B3GAT2: variants seen among roughly 807,000 people sequenced by gnomAD.
B3GAT2 encodes the protein galactosylgalactosylxylosylprotein 3-beta-glucuronosyltransferase 2.
Under a neutral mutation model 27.8 loss-of-function variants are expected in B3GAT2, and 26 were observed. The observed-to-expected ratio is 0.93, with a 90% confidence interval of 0.68 to 1.30. The LOEUF (loss-of-function observed/expected upper bound fraction) is 1.30. Among genes scored for constraint, B3GAT2 ranks in the 50% most tolerant of loss-of-function variants. The pLI, the probability that B3GAT2 is intolerant of heterozygous loss-of-function variation, is 0.00. For missense variants in B3GAT2, 458 were observed against 459.0 expected, an observed-to-expected ratio of 1.00 and a Z score of 0.02; for synonymous variants, 218 against 195.1, an observed-to-expected ratio of 1.12 and a Z score of -0.98.
At position 70,873,825 on chromosome 6, in the gene B3GAT2, A is replaced by G. The variant is rs576361986; in HGVS notation, c.737-11847T>C. On this transcript the variant is annotated intron_variant, in intron 2 of 3. Coordinates refer to ENST00000230053, the MANE Select transcript of B3GAT2 (RefSeq NM_080742.3). ...TCTTCTGCCTGCTGAAACTGCTTTG[A>G]GCCCCTCTATTGAATTTTTTGTTTT... is the stretch of plus-strand genomic sequence containing the variant. 2.0e-5 allele frequency among the ~76,000 whole-genome samples: 3 copies of G among 152,112 alleles called. No homozygotes were observed. In the East Asian group the frequency reaches 5.8e-4, roughly 29 times the overall value.
intron 2 of B3GAT2, among the ~76,000 whole-genome samples, chr6:70,890,677 G>A (rs765219212): frequency 4.6e-5 from 7 of 152,210 alleles, no homozygotes; most frequent in African/African-American, 1.7e-4. Flanking sequence ...TCTCCAGCGC[G>A]TGGGGGGCAT....
At chr6:70,894,417 T>TA (rs1336524609) in intron 1 of B3GAT2, 145 bp from the exon 2 acceptor site, 1 of 885,992 alleles carries the variant, frequency 1.1e-6, no homozygotes, top group African/African-American at 1.7e-5. Context: ...CTTCTGCTGC[T>TA]AGAGTATGGC....
In B3GAT2 at chr6:70,864,061, C is replaced by CTT. The variant is rs35544177; in HGVS notation, c.737-2085_737-2084dup. On this transcript the variant is annotated intron_variant, in intron 2 of 3. Transcript: ENST00000230053. ...CACATGCTTATAAATAAGCTTTATC[C>CTT]TTTTTTTTTTTTTTTTTTTTTTAAA... Among the ~76,000 whole-genome samples the CTT allele has an allele frequency of 3.0e-3, 394 of 129,758 alleles. 3 individuals are homozygous for CTT. The highest frequency in any genetic ancestry group is 5.2e-3 in the Non-Finnish European group (320 of 61,952). 85.1% of individuals were successfully genotyped at this position (129,758 alleles called of 152,430 possible).
intron 1 of B3GAT2, among the ~76,000 whole-genome samples, chr6:70,947,659 G>T (rs1200012701): frequency 6.6e-6 from 1 of 151,036 alleles, no homozygotes; most frequent in Non-Finnish European, 1.5e-5. Flanking sequence ...GGTACAAGGA[G>T]GAACTGGTAC....
Position 70,956,491 on chromosome 6 carries a change from G to A in B3GAT2, c.-62C>T, listed in dbSNP as rs1358996059. ...GGGGCGAGCCGAGGGACCCCAGTGC[G>A]CAGCTTGGACAGCGGCGGCGCCAGC... On this transcript the variant is annotated 5_prime_UTR_variant, in exon 1 of 4. Transcript: ENST00000230053. 43 of 1,546,678 alleles carry A rather than the reference G, an allele frequency of 2.8e-5. No individual in the cohort carries two copies. The highest frequency in any genetic ancestry group is 3.7e-5 in the Non-Finnish European group (42 of 1,145,662).
At position 70,860,440 on chromosome 6, in the gene B3GAT2, T is replaced by TTTGTTCATATTAAGAATGATC; in HGVS notation, c.*1202_*1222dup. Reference sequence around the variant, plus strand: ...TGCATATTTTTTTTCTTTTTACCCATTTGTTCATATTAAGAATGATCTGAT... The same window carrying TTTGTTCATATTAAGAATGATC: ...TGCATATTTTTTTTCTTTTTACCCATTTGTTCATATTAAGAATGATCTTGTTCATATTAAGAATGATCTGAT... On this transcript the variant is annotated 3_prime_UTR_variant, in exon 4 of 4. Coordinates refer to ENST00000230053, the MANE Select transcript of B3GAT2 (RefSeq NM_080742.3). The TTTGTTCATATTAAGAATGATC allele has an allele frequency of 1.5e-6, 2 of 1,319,110 alleles. No homozygotes were observed. Among genetic ancestry groups the TTTGTTCATATTAAGAATGATC allele is most frequent in the Non-Finnish European group, 2.1e-6 (2 of 971,854 alleles). 81.7% of individuals were successfully genotyped at this position (1,319,110 alleles called of 1,614,324 possible). A position where few individuals can be genotyped will look rare whatever the true frequency, so the allele number is the denominator to read the frequency against.
chr6:70,925,812 G>A (rs1035884253), intron 1 of B3GAT2, among the ~76,000 whole-genome samples: 2 of 152,230 alleles, frequency 1.3e-5, no homozygotes, highest in African/African-American at 2.4e-5. Context: ...TCCCAGCACA[G>A]AGTCTGAGAT....
chr6:70,874,204 G>C (rs1224537476), intron 2 of B3GAT2, among the ~76,000 whole-genome samples: 1 of 152,178 alleles, frequency 6.6e-6, no homozygotes, highest in Non-Finnish European at 1.5e-5. Context: ...TCTAAGGTTA[G>C]TTGTTCTTTT....
chr6:70,947,993 T>C (rs13190911), intron 1 of B3GAT2, among the ~76,000 whole-genome samples: 14 of 152,068 alleles, frequency 9.2e-5, no homozygotes, highest in South Asian at 6.2e-4. Context: ...ATGATTATCT[T>C]AATAGATGCA....
At chr6:70,898,751 G>A (rs1316037765) in intron 1 of B3GAT2, among the ~76,000 whole-genome samples, 1 of 152,120 alleles carries the variant, frequency 6.6e-6, no homozygotes, top group East Asian at 1.9e-4. Context: ...CACACAGCAG[G>A]TATTAAACAA....
At chr6:70,931,571 C>T (rs1019207563) in intron 1 of B3GAT2, among the ~76,000 whole-genome samples, 2 of 152,144 alleles carry the variant, frequency 1.3e-5, no homozygotes, top group African/African-American at 4.8e-5. Flanking sequence ...GTGACTTCCA[C>T]TGAGATCATT....
Position 70,861,868 on chromosome 6 carries a change from C to CTGT in B3GAT2, c.844_846dup (p.Thr282dup), listed in dbSNP as rs745561732. On this transcript the variant is annotated inframe_insertion, in exon 3 of 4. Transcript: ENST00000230053. ...TTTGCTTTCGGTTCCAGTTCTTCGACTGTTGTTATCTGTTTGAGAAAGTCA... is the reference window on the plus strand; with the variant it reads ...TTTGCTTTCGGTTCCAGTTCTTCGACTGTTGTTGTTATCTGTTTGAGAAAGTCA... 24 of 1,614,012 alleles carry CTGT rather than the reference C, an allele frequency of 1.5e-5. No individual in the cohort carries two copies. Among genetic ancestry groups the CTGT allele is most frequent in the Non-Finnish European group, 1.9e-5 (22 of 1,179,974 alleles).
At chr6:70,910,787 C>T (rs1772677207) in intron 1 of B3GAT2, among the ~76,000 whole-genome samples, 1 of 152,172 alleles carries the variant, frequency 6.6e-6, no homozygotes. Context: ...TTTACATTTC[C>T]ACCAGCAGCG....
intron 1 of B3GAT2, among the ~76,000 whole-genome samples, chr6:70,951,478 CAT>C (rs1344367003): frequency 3.3e-5 from 5 of 152,116 alleles, no homozygotes; most frequent in Admixed American, 6.6e-5. Context: ...ATAATCCGAA[CAT>C]GTTTTCATGT....
chr6:70,939,010 G>T (rs1294019706), intron 1 of B3GAT2, among the ~76,000 whole-genome samples: 2 of 151,728 alleles, frequency 1.3e-5, no homozygotes, highest in African/African-American at 4.8e-5. Context: ...TCTGACAAAG[G>T]GCTAATATCC....
At chr6:70,870,092 G>C (rs566812476) in intron 2 of B3GAT2, among the ~76,000 whole-genome samples, 1 of 151,966 alleles carries the variant, frequency 6.6e-6, no homozygotes, top group East Asian at 1.9e-4. Context: ...ACATGCACAC[G>C]TATGTTTATT....
At chr6:70,916,538 T>C (rs915309344) in intron 1 of B3GAT2, among the ~76,000 whole-genome samples, 1 of 152,240 alleles carries the variant, frequency 6.6e-6, no homozygotes, top group African/African-American at 2.4e-5. Flanking sequence ...GGGTGTGTCA[T>C]AAATAACTCT....
intron 2 of B3GAT2, among the ~76,000 whole-genome samples, chr6:70,893,304 A>T (rs1456587924): frequency 1.3e-5 from 2 of 152,192 alleles, no homozygotes; most frequent in Non-Finnish European, 2.9e-5. Context: ...GGGCAAGCAC[A>T]GGCTGGCAGC....
chr6:70,952,881 C>T (rs148841311), intron 1 of B3GAT2, among the ~76,000 whole-genome samples: 9 of 152,320 alleles, frequency 5.9e-5, no homozygotes, highest in African/African-American at 1.9e-4. Context: ...GACAAAGCAC[C>T]ATTCCAGTTA....
Sources: allele counts gnomAD v4.1 joint callset (sites outside exome capture counted in the v4.1 genomes callset), GRCh38; gene constraint gnomAD v4.1.1; transcripts MANE v1.5; gene names NCBI Gene and HGNC (gene_info 2026-07-23, HGNC 2026-07-21).